NRXN3: variants seen among roughly 807,000 people sequenced by gnomAD.
The protein encoded by NRXN3 is neurexin 3, also known as neurexin III.
A neutral mutation model predicts 137.6 loss-of-function variants in NRXN3; 32 were observed. That is an observed-to-expected ratio of 0.23 (90% CI 0.18 to 0.31). The LOEUF is 0.31. NRXN3 is among the 10% of genes least tolerant of loss of function. The pLI, the probability that NRXN3 is intolerant of heterozygous loss-of-function variation, is 1.00. For synonymous variants in NRXN3, 798 were observed against 784.5 expected, an observed-to-expected ratio of 1.02 and a Z score of -0.29; for missense variants, 1,574 against 2,062.5, an observed-to-expected ratio of 0.76 and a Z score of 4.59.
chr14:78,448,139 T>C (rs948875913), intron 4 of NRXN3, among the ~76,000 whole-genome samples: 13 of 152,250 alleles, frequency 8.5e-5, no homozygotes, highest in African/African-American at 2.9e-4. Context: ...CTAGAACTCC[T>C]AGATAGTCTA....
intron 15 of NRXN3, among the ~76,000 whole-genome samples, chr14:79,102,088 T>A (rs2051424597): frequency 6.6e-6 from 1 of 152,142 alleles, no homozygotes; most frequent in Admixed American, 6.5e-5. Flanking sequence ...TCTGCTCATG[T>A]CTTGATTTGA....
intron 15 of NRXN3, among the ~76,000 whole-genome samples, chr14:79,363,670 T>G (rs2093771019): frequency 6.6e-6 from 1 of 152,138 alleles, no homozygotes; most frequent in Non-Finnish European, 1.5e-5. Flanking sequence ...CAATTATAAT[T>G]TTATTTGATT....
intron 4 of NRXN3, among the ~76,000 whole-genome samples, chr14:78,596,111 C>G (rs2097155960): frequency 6.6e-6 from 1 of 152,146 alleles, no homozygotes; most frequent in Non-Finnish European, 1.5e-5. Context: ...GGTTGAGAAA[C>G]CTTCGATTAA....
intron 15 of NRXN3, among the ~76,000 whole-genome samples, chr14:79,185,580 C>T (rs1308997130): frequency 4.6e-5 from 7 of 151,988 alleles, no homozygotes. Flanking sequence ...ATTCTCCTGC[C>T]TCAGCCTCCC....
At chr14:78,280,949 C>G (rs1190282351) in intron 3 of NRXN3, among the ~76,000 whole-genome samples, 2 of 152,134 alleles carry the variant, frequency 1.3e-5, no homozygotes, top group African/African-American at 4.8e-5. Flanking sequence ...AGTTGGGGCC[C>G]AGGGAAGTTA....
At chr14:79,605,482 A>G (rs927625242) in intron 16 of NRXN3, among the ~76,000 whole-genome samples, 1 of 151,808 alleles carries the variant, frequency 6.6e-6, no homozygotes, top group East Asian at 1.9e-4. Flanking sequence ...TGCTGTCAAG[A>G]TACTGCACTT....
chr14:79,134,797 C>T (rs572248363), intron 15 of NRXN3, among the ~76,000 whole-genome samples: 9 of 152,306 alleles, frequency 5.9e-5, no homozygotes, highest in African/African-American at 2.2e-4. Context: ...TGTCCATTAG[C>T]AGAACGAAGA....
chr14:79,769,150 G>T (rs1331089646), intron 19 of NRXN3, among the ~76,000 whole-genome samples: 1 of 149,450 alleles, frequency 6.7e-6, no homozygotes, highest in African/African-American at 2.4e-5. Context: ...CGTCTGATTG[G>T]TGTACCTGAA....
intron 16 of NRXN3, among the ~76,000 whole-genome samples, chr14:79,600,497 T>G (rs1374795943): frequency 6.6e-6 from 1 of 152,126 alleles, no homozygotes; most frequent in African/African-American, 2.4e-5. Flanking sequence ...CAAAATAAGA[T>G]ATTAAGGTCA....
At chr14:78,366,506 A>G (rs889526200) in intron 4 of NRXN3, among the ~76,000 whole-genome samples, 1 of 152,216 alleles carries the variant, frequency 6.6e-6, no homozygotes, top group South Asian at 2.1e-4. Flanking sequence ...TTCAGACACA[A>G]TGACTTTTAG....
intron 15 of NRXN3, among the ~76,000 whole-genome samples, chr14:79,436,844 T>G (rs959259358): frequency 6.6e-6 from 1 of 152,170 alleles, no homozygotes; most frequent in Non-Finnish European, 1.5e-5. Flanking sequence ...CTTCTCTGCT[T>G]TTCATTCAGA....
intron 15 of NRXN3, among the ~76,000 whole-genome samples, chr14:79,258,632 A>T (rs1001269684): frequency 6.6e-6 from 1 of 152,232 alleles, no homozygotes; most frequent in African/African-American, 2.4e-5. Context: ...ATGTAGTTTT[A>T]TAATTTCTCT....
chr14:79,306,953 C>G (rs1467970999), intron 15 of NRXN3, among the ~76,000 whole-genome samples: 1 of 152,018 alleles, frequency 6.6e-6, no homozygotes, highest in African/African-American at 2.4e-5. Context: ...TTTTCACTGA[C>G]CCTTATTAAG....
intron 3 of NRXN3, 40 bp downstream of exon 3, chr14:78,278,702 C>T (rs754308579): frequency 4.5e-5 from 69 of 1,516,938 alleles, no homozygotes; most frequent in Non-Finnish European, 5.8e-5. Flanking sequence ...GGGAATTTCC[C>T]CTCTGCTAGA....
intron 15 of NRXN3, among the ~76,000 whole-genome samples, chr14:79,118,899 AAG>A (rs1194753762): frequency 1.3e-5 from 2 of 152,192 alleles, no homozygotes; most frequent in Admixed American, 6.5e-5. Context: ...ATGCAGTGCT[AAG>A]AGAGACACGA....
chr14:79,271,728 G>C (rs1055832947), intron 15 of NRXN3, among the ~76,000 whole-genome samples: 3 of 152,008 alleles, frequency 2.0e-5, no homozygotes, highest in Admixed American at 6.6e-5. Context: ...GGGCTTGTTT[G>C]CCTCCTTTAG....
chr14:79,293,098 ATTTTATGTGTG>A (rs2083465083), intron 15 of NRXN3, among the ~76,000 whole-genome samples: 1 of 152,150 alleles, frequency 6.6e-6, no homozygotes, highest in African/African-American at 2.4e-5. Context: ...CCAGGGAGCC[ATTTTATGTGTG>A]TGTATTGGTA....
intron 15 of NRXN3, among the ~76,000 whole-genome samples, chr14:79,434,673 A>C (rs1432941819): frequency 6.6e-6 from 1 of 152,218 alleles, no homozygotes; most frequent in Admixed American, 6.5e-5. Flanking sequence ...ACTGAGGTGA[A>C]GATTGAGTGC....
intron 15 of NRXN3, among the ~76,000 whole-genome samples, chr14:79,341,050 G>T (rs1344959994): frequency 1.2e-4 from 18 of 152,106 alleles, no homozygotes; most frequent in Admixed American, 1.2e-3. Context: ...TTTTCTTCTG[G>T]GTCTCAATGT....
Sources: gnomAD v4.1 joint callset for allele counts (sites outside exome capture counted in the v4.1 genomes callset) on GRCh38, gnomAD v4.1.1 for gene constraint, MANE v1.5 for transcripts, NCBI Gene and HGNC (gene_info 2026-07-23, HGNC 2026-07-21) for gene names.